Variants in IGF1R observed in about 807,000 individuals in gnomAD.
The protein encoded by IGF1R is insulin-like growth factor 1 receptor.
Under a neutral mutation model 144.6 loss-of-function variants are expected in IGF1R, and 44 were observed. That is an observed-to-expected ratio of 0.30 (90% confidence interval 0.24 to 0.39). The LOEUF (loss-of-function observed/expected upper bound fraction) is 0.39. Ranked by LOEUF, IGF1R falls within the 10% of genes least tolerant of loss-of-function variation. IGF1R has a pLI of 1.00. For synonymous variants in IGF1R, 795 were observed against 722.8 expected, an observed-to-expected ratio of 1.10 and a Z score of -1.60; for missense variants, 1,355 against 1,833.7, an observed-to-expected ratio of 0.74 and a Z score of 4.77.
intron 10 of IGF1R, among the ~76,000 whole-genome samples, chr15:98,918,829 A>G (rs2015362488): frequency 6.6e-6 from 1 of 152,072 alleles, no homozygotes. Context: ...CAGTGAGCTG[A>G]GATCGCACCG....
chr15:98,907,500 T>TA (rs1273423402), intron 5 of IGF1R, among the ~76,000 whole-genome samples: 1 of 152,196 alleles, frequency 6.6e-6, no homozygotes, highest in Non-Finnish European at 1.5e-5. Context: ...TCACTCAAAG[T>TA]ACTGCACTGA....
In IGF1R at chr15:98,916,830, C is replaced by T. The variant is rs757536805; in HGVS notation, c.2155C>T (p.Arg719Cys). The change falls in exon 10 of 21, where the codon CGC becomes TGC. Residue 719 changes from arginine to cysteine, a missense_variant. Arg to Cys is a radical substitution (Grantham distance 180). Coordinates refer to ENST00000650285, the MANE Select transcript of IGF1R (RefSeq NM_000875.5). ...GGCCGAGAAGGAGGAGGCTGAATAC[C>T]GCAAAGTCTTTGAGAATTTCCTGCA... is the stretch of plus-strand genomic sequence containing the variant. ...KQAEKEEAEY[R>C]KVFENFLHNS... 2 of 1,614,064 alleles carry T rather than the reference C, an allele frequency of 1.2e-6. No individual in the cohort carries two copies. The highest frequency in any genetic ancestry group is 1.7e-6 in the Non-Finnish European group (2 of 1,180,016).
intron 1 of IGF1R, among the ~76,000 whole-genome samples, chr15:98,679,727 T>C (rs1453889080): frequency 1.3e-5 from 2 of 151,944 alleles, no homozygotes; most frequent in Non-Finnish European, 2.9e-5. Flanking sequence ...AAACACAAAA[T>C]TAATTGTAAA....
intron 3 of IGF1R, among the ~76,000 whole-genome samples, chr15:98,892,133 A>G (rs1351445663): frequency 6.6e-6 from 1 of 152,198 alleles, no homozygotes; most frequent in Non-Finnish European, 1.5e-5. Flanking sequence ...GCAGTAGCTT[A>G]AAATAAGGGA....
At chr15:98,695,616 GTT>G (rs1031996092) in intron 1 of IGF1R, among the ~76,000 whole-genome samples, 9 of 152,156 alleles carry the variant, frequency 5.9e-5, no homozygotes, top group Admixed American at 5.2e-4. Flanking sequence ...CCCCAAAAGA[GTT>G]CTCATAGTAA....
chr15:98,867,599 A>T (rs899816182), intron 2 of IGF1R, among the ~76,000 whole-genome samples: 6 of 152,058 alleles, frequency 3.9e-5, no homozygotes, highest in Admixed American at 2.6e-4. Flanking sequence ...TCTAATTATT[A>T]TCTGTGTGTA....
chr15:98,744,178 C>G (rs771594656), intron 2 of IGF1R, among the ~76,000 whole-genome samples: 5 of 151,864 alleles, frequency 3.3e-5, no homozygotes, highest in Non-Finnish European at 5.9e-5. Context: ...CTTAAAGGGA[C>G]GTCAGCGTTC....
chr15:98,657,227 T>C, intron 1 of IGF1R, among the ~76,000 whole-genome samples: 1 of 152,216 alleles, frequency 6.6e-6, no homozygotes, highest in East Asian at 1.9e-4. Flanking sequence ...TAGGGAGAGA[T>C]GAATTTATTT....
At chr15:98,896,948 T>C (rs773268897) in intron 4 of IGF1R, 43 bp downstream of exon 4, 1 of 1,598,950 alleles carries the variant, frequency 6.3e-7, no homozygotes, top group Non-Finnish European at 8.6e-7. Context: ...GATCTCATGG[T>C]TTTCTTTTGT....
chr15:98,920,282 A>G (rs1272606933), intron 10 of IGF1R, among the ~76,000 whole-genome samples: 3 of 152,180 alleles, frequency 2.0e-5, no homozygotes, highest in African/African-American at 7.2e-5. Flanking sequence ...CCTTCCAGAT[A>G]ATGTTCTGTG....
At chr15:98,877,374 T>A (rs1351538429) in intron 2 of IGF1R, among the ~76,000 whole-genome samples, 1 of 151,768 alleles carries the variant, frequency 6.6e-6, no homozygotes, top group Non-Finnish European at 1.5e-5. Context: ...GTAATGCAGA[T>A]GGCCAAGAGA....
chr15:98,956,849 A>G (rs897358341), intron 20 of IGF1R, among the ~76,000 whole-genome samples: 1 of 151,972 alleles, frequency 6.6e-6, no homozygotes, highest in Non-Finnish European at 1.5e-5. Flanking sequence ...GTTCTGGGGG[A>G]AGAGAATGGA....
chr15:98,747,716 A>G (rs1244192727), intron 2 of IGF1R, among the ~76,000 whole-genome samples: 1 of 152,040 alleles, frequency 6.6e-6, no homozygotes, highest in Non-Finnish European at 1.5e-5. Context: ...GTGGGTTGAC[A>G]CTCTGTGGTC....
rs547295546 is a variant in IGF1R at position 98,782,269 on chromosome 15, G to T, written c.640+74162G>T. 3.3e-5 allele frequency among the ~76,000 whole-genome samples: 5 copies of T among 152,162 alleles called. No homozygotes were observed. In the South Asian group the frequency reaches 1.0e-3, roughly 32 times the overall value. On this transcript the variant is annotated intron_variant, in intron 2 of 20. Coordinates refer to ENST00000650285, the MANE Select transcript of IGF1R (RefSeq NM_000875.5). Reference sequence around the variant, plus strand: ...TATGTCCATTTTGGGATGAAAGGAAGCAGCTTTGTTTACCATGTTGAATTA... The same window carrying T: ...TATGTCCATTTTGGGATGAAAGGAATCAGCTTTGTTTACCATGTTGAATTA...
chr15:98,895,489 C>G (rs763289427), intron 3 of IGF1R, among the ~76,000 whole-genome samples: 8 of 151,868 alleles, frequency 5.3e-5, no homozygotes, highest in Non-Finnish European at 1.2e-4. Flanking sequence ...TAAAAAAGTG[C>G]TGAAGGAAGC....
chr15:98,803,802 G>A (rs1247176495), intron 2 of IGF1R, among the ~76,000 whole-genome samples: 1 of 152,076 alleles, frequency 6.6e-6, no homozygotes, highest in Non-Finnish European at 1.5e-5. Context: ...CACGGCGCCT[G>A]GCCACAGTTA....
At chr15:98,780,466 T>G (rs145866314) in intron 2 of IGF1R, among the ~76,000 whole-genome samples, 3,650 of 149,578 alleles carry the variant, frequency 0.024, 147 homozygotes, top group African/African-American at 0.084. Flanking sequence ...GGAGAATCGC[T>G]TGAACCCGGG....
At chr15:98,934,342 G>A (rs572101670) in intron 15 of IGF1R, among the ~76,000 whole-genome samples, 15 of 152,050 alleles carry the variant, frequency 9.9e-5, no homozygotes, top group African/African-American at 3.1e-4. Flanking sequence ...CCTTTTTCCC[G>A]ACCCAGCATA....
chr15:98,789,865 G>A (rs1364410752), intron 2 of IGF1R, among the ~76,000 whole-genome samples: 1 of 152,122 alleles, frequency 6.6e-6, no homozygotes, highest in Non-Finnish European at 1.5e-5. Context: ...AAGTCAGAGA[G>A]GCGGGTTGCT....
Sources: allele counts gnomAD v4.1 joint callset (sites outside exome capture counted in the v4.1 genomes callset), GRCh38; gene constraint gnomAD v4.1.1; transcripts MANE v1.5; gene names NCBI Gene and HGNC (gene_info 2026-07-23, HGNC 2026-07-21).